Variants in CLSPN observed in about 807,000 individuals in gnomAD.
CLSPN encodes claspin.
A neutral mutation model predicts 156.3 loss-of-function variants in CLSPN; 85 were observed. The observed-to-expected ratio is 0.54, with a 90% CI of 0.46 to 0.65. The LOEUF (loss-of-function observed/expected upper bound fraction) is 0.65. Among genes scored for constraint, CLSPN ranks in the 30% least tolerant of loss-of-function variants. The probability of loss-of-function intolerance (pLI) is 0.00; values close to 1 mark genes in which losing one functional copy is unlikely to be tolerated. For missense variants in CLSPN, 1,407 were observed against 1,554.9 expected, an observed-to-expected ratio of 0.90 and a Z score of 1.60; for synonymous variants, 534 against 542.4, an observed-to-expected ratio of 0.98 and a Z score of 0.22.
chr1:35,767,409 G>A (rs147281615), intron 1 of CLSPN, among the ~76,000 whole-genome samples: 132 of 152,224 alleles, frequency 8.7e-4, no homozygotes, highest in Non-Finnish European at 1.5e-3. Context: ...GGAAAAATGG[G>A]TAGCTGTATG....
In CLSPN at chr1:35,769,963, G is replaced by C; in HGVS notation, c.-93C>G. On this transcript the variant is annotated 5_prime_UTR_variant, in exon 1 of 25. Coordinates refer to ENST00000318121, the MANE Select transcript of CLSPN (RefSeq NM_022111.4). ...GGCTCCCGCCGTCTCCAGCCCAGCA[G>C]TGCTGTTCTTGCTTTCCCGCCCAGC... The C allele has an allele frequency of 1.3e-6, 2 of 1,488,954 alleles. No individual in the cohort carries two copies. Among genetic ancestry groups the C allele is most frequent in the Non-Finnish European group, 1.8e-6 (2 of 1,083,254 alleles). 92.2% of individuals were successfully genotyped at this position (1,488,954 alleles called of 1,614,324 possible).
At chr1:35,726,995 CAGA>C (rs750882538) in intron 24 of CLSPN, among the ~76,000 whole-genome samples, 1 of 152,180 alleles carries the variant, frequency 6.6e-6, no homozygotes, top group Non-Finnish European at 1.5e-5. Flanking sequence ...CCTGGAGCCT[CAGA>C]AGGGCAGGTG....
chr1:35,734,280 A>G lies in CLSPN; in HGVS notation c.*2216T>C, dbSNP rs1641389634. On this transcript the variant is annotated 3_prime_UTR_variant, in exon 25 of 25. Coordinates refer to ENST00000318121, the MANE Select transcript of CLSPN (RefSeq NM_022111.4). ...CTTCAAGGCATTAAGATTTATTGAA[A>G]AACTACATACATATTAAAACATCTT... The G allele has an allele frequency of 1.0e-6, 1 of 985,432 alleles. No individual in the cohort carries two copies. The highest frequency in any genetic ancestry group is 1.1e-4 in the East Asian group (1 of 8,820). 61.0% of individuals were successfully genotyped at this position (985,432 alleles called of 1,614,324 possible). A position where few individuals can be genotyped will look rare whatever the true frequency, so the allele number is the denominator to read the frequency against.
At chr1:35,748,820 C>CTTTTTTTTTT (rs201350754) in intron 12 of CLSPN, 3 of 293,536 alleles carry the variant, frequency 1.0e-5, no homozygotes, top group East Asian at 6.1e-5. Context: ...CTTGAAAGTT[C>CTTTTTTTTTT]TTTTTTTTTT....
At chr1:35,737,761 T>G in intron 22 of CLSPN, 1 of 447,790 alleles carries the variant, frequency 2.2e-6, no homozygotes, top group East Asian at 3.2e-5. Context: ...ACTCTGAGCC[T>G]TAGAACATAA....
intron 8 of CLSPN, among the ~76,000 whole-genome samples, chr1:35,758,340 G>A (rs1642354073): frequency 6.6e-6 from 1 of 151,954 alleles, no homozygotes; most frequent in African/African-American, 2.4e-5. Context: ...CACTGACTAT[G>A]CTTGGTTTAA....
chr1:35,731,603 G>A (rs770731104), downstream of CLSPN, among the ~76,000 whole-genome samples: 42 of 152,162 alleles, frequency 2.8e-4, no homozygotes, highest in Non-Finnish European at 5.0e-4. Context: ...AGGAGGCTAC[G>A]GTAGGACCCT....
rs768545489 is a variant in CLSPN at position 35,745,574 on chromosome 1, C to T, written c.2855-12G>A. ...TGGAGTGGAGGCATCTACATCACAACAAGGAAAAGATGTGTCACCAAGGAA... is the reference window on the plus strand; with the variant it reads ...TGGAGTGGAGGCATCTACATCACAATAAGGAAAAGATGTGTCACCAAGGAA... On this transcript the variant is annotated splice_polypyrimidine_tract_variant and intron_variant, in intron 15 of 24. Transcript: ENST00000318121. The T allele has an allele frequency of 6.4e-7, 1 of 1,560,180 alleles. No homozygotes were observed. The highest frequency in any genetic ancestry group is 1.4e-5 in the African/African-American group (1 of 73,816).
At chr1:35,738,401 T>C (rs908695073) in intron 21 of CLSPN, 54 bp downstream of exon 21, 56 of 1,574,278 alleles carry the variant, frequency 3.6e-5, no homozygotes, top group Non-Finnish European at 4.7e-5. Context: ...GAAACTATCA[T>C]GACAAGCTAA....
In CLSPN at chr1:35,739,131, G is replaced by C; in HGVS notation, c.3430+5C>G. 1 of 1,614,118 alleles carries C rather than the reference G, an allele frequency of 6.2e-7. No individual in the cohort carries two copies. On this transcript the variant is annotated splice_donor_5th_base_variant and intron_variant, in intron 20 of 24. Transcript: ENST00000318121. ...GATTGCTTTTAAAGACAACAACCAA[G>C]ATACCTATGTTTTTCCATCGAAACT... is the stretch of plus-strand genomic sequence containing the variant.
At chr1:35,763,941 G>A (rs779600015) in intron 3 of CLSPN, among the ~76,000 whole-genome samples, 2 of 151,604 alleles carry the variant, frequency 1.3e-5, no homozygotes, top group African/African-American at 2.4e-5. Context: ...ACTACAGCTG[G>A]GACTACGGCC....
intron 10 of CLSPN, among the ~76,000 whole-genome samples, chr1:35,750,142 T>G (rs1642033021): frequency 6.6e-6 from 1 of 152,136 alleles, no homozygotes; most frequent in African/African-American, 2.4e-5. Context: ...AAGCACAGAC[T>G]GAGACAGGCT....
chr1:35,727,868 C>G (rs1333854450), downstream of CLSPN, among the ~76,000 whole-genome samples: 1 of 152,182 alleles, frequency 6.6e-6, no homozygotes, highest in Non-Finnish European at 1.5e-5. Flanking sequence ...CACAATGGGA[C>G]AAGTGCTATT....
intron 1 of CLSPN, among the ~76,000 whole-genome samples, chr1:35,768,636 G>A (rs983428130): frequency 6.6e-6 from 1 of 151,116 alleles, no homozygotes; most frequent in Non-Finnish European, 1.5e-5. Flanking sequence ...GGCTGGTTTC[G>A]AACTCTTGAG....
In CLSPN at chr1:35,733,480, T is replaced by G. The variant is rs1190360450; in HGVS notation, c.*3016A>C. ...TATCCTCAGTTGTCAATTCCAATTG[T>G]CTTTTCTATCTCTCCTCAAAAGACA... On this transcript the variant is annotated 3_prime_UTR_variant, in exon 25 of 25. Coordinates refer to ENST00000318121, the MANE Select transcript of CLSPN (RefSeq NM_022111.4). 1.0e-6 allele frequency: 1 copy of G among 985,222 alleles called. No homozygotes were observed. The highest frequency in any genetic ancestry group is 1.1e-4 in the East Asian group (1 of 8,818). The allele number at this position is 985,222 out of a possible 1,614,324, so 61.0% of individuals were successfully genotyped here. A position where few individuals can be genotyped will look rare whatever the true frequency, so the allele number is the denominator to read the frequency against.
intron 15 of CLSPN, 99 bp from the exon 16 acceptor site, chr1:35,745,661 G>GC: frequency 1.2e-6 from 1 of 804,088 alleles, no homozygotes; most frequent in Non-Finnish European, 2.0e-6. Flanking sequence ...CAGTTCTAAG[G>GC]TAAGCTTGCC....
intron 10 of CLSPN, among the ~76,000 whole-genome samples, chr1:35,750,724 C>T (rs1355905946): frequency 3.3e-5 from 5 of 151,952 alleles, no homozygotes; most frequent in Admixed American, 2.0e-4. Context: ...ACTTAACAAT[C>T]GTATCATCAC....
At chr1:35,749,047 G>A (rs1223044209) in intron 12 of CLSPN, among the ~76,000 whole-genome samples, 4 of 151,888 alleles carry the variant, frequency 2.6e-5, no homozygotes, top group African/African-American at 4.8e-5. Context: ...GGCTGGTCTC[G>A]ATCTCCTGAC....
rs150847921 is a variant in CLSPN, at chr1:35,751,294, C to T, written c.1984G>A (p.Glu662Lys). 5 of 1,590,586 alleles carry T rather than the reference C, an allele frequency of 3.1e-6. No individual in the cohort carries two copies. The African/African-American group carries it at 4.0e-5, about 13-fold the overall frequency. Reference sequence around the variant, plus strand: ...TCCTCCTCCTCTTCTTTCTCCTCCTCTTCCTCTAGTTCTTCCTCTTTCTCT... The same window carrying T: ...TCCTCCTCCTCTTCTTTCTCCTCCTTTTCCTCTAGTTCTTCCTCTTTCTCT... ...KEEKEEELEE[E>K]EEKEEEEEEE... Residue 662 changes from glutamate to lysine, a missense_variant, in exon 10 of 25, where the codon GAG (glutamate) becomes AAG (lysine). Around this residue, in one of 3 missense-constraint regions of CLSPN, gnomAD observed 1,096 missense variants for 1,193.0 expected, o/e 0.92. Transcript: ENST00000318121.
Sources: gnomAD v4.1 joint callset for allele counts (sites outside exome capture counted in the v4.1 genomes callset) on GRCh38, gnomAD v4.1.1 for gene constraint, gnomAD v4.1.1 regional missense constraint, MANE v1.5 for transcripts, NCBI Gene and HGNC (gene_info 2026-07-23, HGNC 2026-07-21) for gene names.